The following MECOM variants were observed in gnomAD, a reference collection of about 807,000 sequenced individuals.
The protein encoded by MECOM is histone-lysine N-methyltransferase MECOM.
Under a neutral mutation model 116.3 loss-of-function variants are expected in MECOM, and 13 were observed. That is an observed-to-expected ratio of 0.11 (90% CI 0.07 to 0.18). The LOEUF (loss-of-function observed/expected upper bound fraction) is 0.18, where lower values mean the gene tolerates loss of function less well. Ranked by LOEUF, MECOM falls within the 10% of genes least tolerant of loss-of-function variation. The pLI is 1.00. For synonymous variants in MECOM, 528 were observed against 535.2 expected (o/e 0.99, Z 0.19); for missense variants, 1,299 against 1,509.0 (o/e 0.86, Z 2.31).
chr3:169,576,158 G>C (rs968426289), intron 1 of MECOM, among the ~76,000 whole-genome samples: 2 of 152,092 alleles, frequency 1.3e-5, no homozygotes, highest in African/African-American at 4.8e-5. Flanking sequence ...CCAGTAACAT[G>C]CTCATCTGTA....
chr3:169,520,809 A>T (rs1757251077), intron 1 of MECOM, among the ~76,000 whole-genome samples: 1 of 152,178 alleles, frequency 6.6e-6, no homozygotes, highest in South Asian at 2.1e-4. Context: ...AAGTGCTAAG[A>T]GTGTGTGACT....
intron 1 of MECOM, among the ~76,000 whole-genome samples, chr3:169,477,316 G>C (rs1352041348): frequency 2.6e-5 from 4 of 151,508 alleles, no homozygotes; most frequent in Non-Finnish European, 5.9e-5. Context: ...ACCCTCATCA[G>C]CTTTTATCTT....
At chr3:169,279,372 C>T (rs945892958) in intron 2 of MECOM, among the ~76,000 whole-genome samples, 2 of 152,100 alleles carry the variant, frequency 1.3e-5, no homozygotes, top group Admixed American at 6.5e-5. Flanking sequence ...TCCTTCCCCC[C>T]ACTACACAAA....
At chr3:169,527,782 A>G (rs1758131615) in intron 1 of MECOM, among the ~76,000 whole-genome samples, 1 of 152,132 alleles carries the variant, frequency 6.6e-6, no homozygotes, top group South Asian at 2.1e-4. Context: ...TGCAATCTGT[A>G]TTGCTATTGG....
intron 1 of MECOM, among the ~76,000 whole-genome samples, chr3:169,621,465 T>C (rs1031392570): frequency 6.6e-6 from 1 of 152,096 alleles, no homozygotes; most frequent in African/African-American, 2.4e-5. Context: ...TTTCAAAAAA[T>C]AAACAAGCTG....
chr3:169,450,802 A>G (rs1451031038), intron 1 of MECOM, among the ~76,000 whole-genome samples: 1 of 152,174 alleles, frequency 6.6e-6, no homozygotes, highest in Non-Finnish European at 1.5e-5. Context: ...AATTTTCACA[A>G]AAGCTGTGCA....
At position 169,215,510 on chromosome 3, in the gene MECOM, A is replaced by G. The variant is rs373465170; in HGVS notation, c.376-71678T>C. 2.0e-4 allele frequency among the ~76,000 whole-genome samples: 31 copies of G among 152,270 alleles called. No homozygotes were observed. The South Asian group carries it at 6.4e-3, about 32-fold the overall frequency. Reference sequence around the variant, plus strand: ...GGAACCCATTCAACGATGGTTACATAGATTTGTGAAAACAGGAGCCGGCTC... The same window carrying G: ...GGAACCCATTCAACGATGGTTACATGGATTTGTGAAAACAGGAGCCGGCTC... On this transcript the variant is annotated intron_variant, in intron 2 of 16. Coordinates refer to ENST00000651503, the MANE Select transcript of MECOM (RefSeq NM_004991.4).
chr3:169,465,755 A>G (rs1253156285), intron 1 of MECOM, among the ~76,000 whole-genome samples: 1 of 152,216 alleles, frequency 6.6e-6, no homozygotes, highest in Non-Finnish European at 1.5e-5. Flanking sequence ...TATTTCTAGA[A>G]AATTCAATCT....
chr3:169,365,325 C>A (rs1319775326), intron 2 of MECOM, among the ~76,000 whole-genome samples: 1 of 152,060 alleles, frequency 6.6e-6, no homozygotes, highest in Non-Finnish European at 1.5e-5. Context: ...GATGTTTAAT[C>A]TTTACTTCCC....
chr3:169,427,728 T>G (rs1186160834), intron 1 of MECOM, among the ~76,000 whole-genome samples: 1 of 152,160 alleles, frequency 6.6e-6, no homozygotes, highest in Non-Finnish European at 1.5e-5. Flanking sequence ...AGTTGAGAGA[T>G]TATTGCTATC....
At chr3:169,459,448 G>T (rs747518855) in intron 1 of MECOM, among the ~76,000 whole-genome samples, 6 of 152,164 alleles carry the variant, frequency 3.9e-5, no homozygotes, top group Admixed American at 6.5e-5. Flanking sequence ...ACAATATTAA[G>T]TTTGTCACAC....
At chr3:169,238,812 G>A (rs914753593) in intron 2 of MECOM, among the ~76,000 whole-genome samples, 5 of 152,020 alleles carry the variant, frequency 3.3e-5, no homozygotes, top group Admixed American at 1.3e-4. Flanking sequence ...AATGGTGGTA[G>A]AAAAACCACT....
chr3:169,517,954 T>A (rs975033634), intron 1 of MECOM, among the ~76,000 whole-genome samples: 1 of 152,212 alleles, frequency 6.6e-6, no homozygotes, highest in Non-Finnish European at 1.5e-5. Flanking sequence ...TTAATTAAAA[T>A]TATGTTAAGA....
chr3:169,134,265 C>A (rs1427869792), intron 3 of MECOM, among the ~76,000 whole-genome samples: 1 of 152,168 alleles, frequency 6.6e-6, no homozygotes, highest in East Asian at 1.9e-4. Flanking sequence ...AAAGACAATT[C>A]TCTTTGCCAA....
chr3:169,485,752 C>T (rs765695313), intron 1 of MECOM, among the ~76,000 whole-genome samples: 6 of 150,230 alleles, frequency 4.0e-5, no homozygotes, highest in South Asian at 2.1e-4. Context: ...ACGAAATATG[C>T]GATTTTGCAT....
chr3:169,145,129 T>C (rs1378495831), intron 2 of MECOM: 2 of 861,464 alleles, frequency 2.3e-6, no homozygotes, highest in Non-Finnish European at 3.5e-6. Flanking sequence ...GAACATAAGA[T>C]AGGGATATTA....
intron 1 of MECOM, among the ~76,000 whole-genome samples, chr3:169,459,908 G>A (rs566680618): frequency 1.5e-4 from 23 of 152,234 alleles, no homozygotes; most frequent in African/African-American, 4.6e-4. Context: ...CGAGACTGGC[G>A]TTAGTATACA....
At chr3:169,587,777 G>C (rs764983935) in intron 1 of MECOM, among the ~76,000 whole-genome samples, 1 of 151,948 alleles carries the variant, frequency 6.6e-6, no homozygotes, top group Non-Finnish European at 1.5e-5. Context: ...ATGCTTCATG[G>C]AACAAAGAGT....
intron 1 of MECOM, among the ~76,000 whole-genome samples, chr3:169,384,903 G>A (rs1733052418): frequency 6.6e-6 from 1 of 152,010 alleles, no homozygotes; most frequent in African/African-American, 2.4e-5. Flanking sequence ...AAGCGTTCGA[G>A]ACCAGCCTGG....
Sources: gnomAD v4.1 joint callset for allele counts (sites outside exome capture counted in the v4.1 genomes callset) on GRCh38, gnomAD v4.1.1 for gene constraint, MANE v1.5 for transcripts, NCBI Gene and HGNC (gene_info 2026-07-23, HGNC 2026-07-21) for gene names.